CCSER1: variants seen among roughly 807,000 people sequenced by gnomAD.
CCSER1 encodes the protein serine-rich coiled-coil domain-containing protein 1.
In CCSER1, 41 loss-of-function variants were observed where a neutral mutation model predicts 82.0. The ratio of observed to expected loss-of-function variants is 0.50; its 90% CI spans 0.39 to 0.65. CCSER1 has a LOEUF of 0.65. Ranked by LOEUF, CCSER1 falls within the 30% of genes least tolerant of loss-of-function variation. The pLI is 0.00. For missense variants in CCSER1, 1,119 were observed against 1,064.2 expected (o/e 1.05, Z -0.72); for synonymous variants, 414 against 383.9 (o/e 1.08, Z -0.92).
chr4:91,563,433 C>A (rs942715799), intron 10 of CCSER1, among the ~76,000 whole-genome samples: 1 of 151,646 alleles, frequency 6.6e-6, no homozygotes, highest in South Asian at 2.1e-4. Flanking sequence ...TCATATGATC[C>A]TTTCAACAGA....
At chr4:90,821,743 T>A (rs536663912) in intron 8 of CCSER1, among the ~76,000 whole-genome samples, 1 of 152,256 alleles carries the variant, frequency 6.6e-6, no homozygotes, top group African/African-American at 2.4e-5. Context: ...CAGAGAGATA[T>A]TTTTCTCACT....
chr4:90,173,959 C>T (rs563300457), intron 1 of CCSER1, among the ~76,000 whole-genome samples: 2 of 152,012 alleles, frequency 1.3e-5, no homozygotes, highest in East Asian at 3.9e-4. Flanking sequence ...TCAGTACTTC[C>T]TGAGAATTCT....
chr4:90,885,677 G>A (rs1722017944), intron 8 of CCSER1, among the ~76,000 whole-genome samples: 2 of 152,238 alleles, frequency 1.3e-5, no homozygotes, highest in South Asian at 4.1e-4. Flanking sequence ...GATGGCATTT[G>A]TGAAAAAATA....
intron 4 of CCSER1, among the ~76,000 whole-genome samples, chr4:90,410,603 G>A (rs1754596424): frequency 6.6e-6 from 1 of 151,788 alleles, no homozygotes; most frequent in African/African-American, 2.4e-5. Context: ...CACAACATAC[G>A]AGCATCTCTG....
At chr4:90,789,414 A>C (rs1754940147) in intron 7 of CCSER1, among the ~76,000 whole-genome samples, 1 of 152,024 alleles carries the variant, frequency 6.6e-6, no homozygotes, top group African/African-American at 2.4e-5. Flanking sequence ...TTTCTACTAC[A>C]TGAATATCCT....
chr4:91,523,433 A>C (rs1329037917), intron 10 of CCSER1, among the ~76,000 whole-genome samples: 1 of 152,162 alleles, frequency 6.6e-6, no homozygotes, highest in Non-Finnish European at 1.5e-5. Flanking sequence ...TGACTGGCAT[A>C]GTTTCAGAAG....
intron 10 of CCSER1, among the ~76,000 whole-genome samples, chr4:91,087,793 T>A (rs769370006): frequency 1.1e-4 from 17 of 152,078 alleles, no homozygotes; most frequent in Non-Finnish European, 2.2e-4. Flanking sequence ...CTACTTAACT[T>A]CCACTTAGGG....
chr4:91,403,187 A>C (rs991666615), intron 10 of CCSER1, among the ~76,000 whole-genome samples: 12 of 151,404 alleles, frequency 7.9e-5, no homozygotes, highest in Admixed American at 6.6e-4. Context: ...CATGGTTTGG[A>C]TCTCTGTTTG....
At chr4:91,076,575 G>A (rs72667596) in intron 9 of CCSER1, among the ~76,000 whole-genome samples, 5,822 of 151,848 alleles carry the variant, frequency 0.038, 154 homozygotes, top group Non-Finnish European at 0.059. Flanking sequence ...ACTAGATCTG[G>A]AACTTAGTCA....
At chr4:91,388,669 T>G (rs1341469715) in intron 10 of CCSER1, among the ~76,000 whole-genome samples, 1 of 152,122 alleles carries the variant, frequency 6.6e-6, no homozygotes, top group Non-Finnish European at 1.5e-5. Context: ...GAACATCTTT[T>G]CATGTGCTTA....
intron 1 of CCSER1, among the ~76,000 whole-genome samples, chr4:90,230,290 T>A (rs1043427956): frequency 4.6e-5 from 7 of 152,026 alleles, no homozygotes; most frequent in Non-Finnish European, 8.8e-5. Flanking sequence ...CACAGTGCAA[T>A]CAAACTAGAA....
intron 10 of CCSER1, among the ~76,000 whole-genome samples, chr4:91,189,661 CTGTTT>C: frequency 6.6e-6 from 1 of 152,070 alleles, no homozygotes; most frequent in East Asian, 1.9e-4. Flanking sequence ...CTGGCTAGTA[CTGTTT>C]TGTTTTTCTT....
intron 10 of CCSER1, among the ~76,000 whole-genome samples, chr4:91,160,346 C>G (rs1274568020): frequency 6.6e-6 from 1 of 152,158 alleles, no homozygotes; most frequent in Admixed American, 6.5e-5. Flanking sequence ...AATAGTGCCA[C>G]AGTAAACATA....
chr4:90,804,338 G>C (rs1413995419), intron 7 of CCSER1, among the ~76,000 whole-genome samples: 1 of 152,028 alleles, frequency 6.6e-6, no homozygotes, highest in East Asian at 1.9e-4. Context: ...GAATTTTTAT[G>C]GTCCTAGGTT....
At chr4:90,700,489 T>A (rs1259394423) in intron 6 of CCSER1, among the ~76,000 whole-genome samples, 1 of 152,214 alleles carries the variant, frequency 6.6e-6, no homozygotes, top group African/African-American at 2.4e-5. Context: ...TTTATAATCC[T>A]TTGGGTATAT....
At chr4:90,513,977 C>G (rs144442002) in intron 5 of CCSER1, among the ~76,000 whole-genome samples, 60 of 152,040 alleles carry the variant, frequency 3.9e-4, no homozygotes, top group African/African-American at 1.3e-3. Context: ...ATAGGGGGAT[C>G]GGAGAGAAAA....
chr4:91,403,665 G>T (rs1358446670), intron 10 of CCSER1, among the ~76,000 whole-genome samples: 1 of 152,092 alleles, frequency 6.6e-6, no homozygotes, highest in Non-Finnish European at 1.5e-5. Context: ...TGTGGTTTTT[G>T]TCTTTGGTTC....
At chr4:91,429,381 A>G (rs1403638723) in intron 10 of CCSER1, among the ~76,000 whole-genome samples, 4 of 151,996 alleles carry the variant, frequency 2.6e-5, no homozygotes, top group Non-Finnish European at 5.9e-5. Context: ...ACTACACTAT[A>G]ATATTTAGCT....
chr4:91,257,734 G>A (rs1023850042), intron 10 of CCSER1, among the ~76,000 whole-genome samples: 1 of 152,034 alleles, frequency 6.6e-6, no homozygotes. Context: ...CATTCAGCAT[G>A]TTCTGAATTA....
Sources: gnomAD v4.1 joint callset for allele counts (sites outside exome capture counted in the v4.1 genomes callset) on GRCh38, gnomAD v4.1.1 for gene constraint, MANE v1.5 for transcripts, NCBI Gene and HGNC (gene_info 2026-07-23, HGNC 2026-07-21) for gene names.